Variants in FHIT observed in about 807,000 individuals in gnomAD.
The protein encoded by FHIT is bis(5'-adenosyl)-triphosphatase.
In FHIT, 19 loss-of-function variants were observed where a neutral mutation model predicts 17.9. That is an observed-to-expected ratio of 1.06 (90% CI 0.74 to 1.56). The LOEUF (loss-of-function observed/expected upper bound fraction) is 1.56. FHIT is among the 40% of genes most tolerant of loss of function. The pLI is 0.00. For missense variants in FHIT, 248 were observed against 189.2 expected (o/e 1.31, Z -1.82); for synonymous variants, 81 against 69.7 (o/e 1.16, Z -0.81).
At chr3:60,720,632 T>C (rs782569463) in intron 4 of FHIT, among the ~76,000 whole-genome samples, 9 of 152,180 alleles carry the variant, frequency 5.9e-5, no homozygotes, top group Non-Finnish European at 1.2e-4. Flanking sequence ...GCAGACCAAT[T>C]AAGTCAGAAT....
intron 3 of FHIT, among the ~76,000 whole-genome samples, chr3:61,016,337 AC>A (rs1559911871): frequency 6.6e-6 from 1 of 152,222 alleles, no homozygotes; most frequent in Non-Finnish European, 1.5e-5. Flanking sequence ...AGGGTAGAAA[AC>A]AGGGAACAAC....
chr3:60,198,583 A>C (rs1226057394), intron 5 of FHIT, among the ~76,000 whole-genome samples: 2 of 152,160 alleles, frequency 1.3e-5, no homozygotes, highest in African/African-American at 4.8e-5. Flanking sequence ...GCCTGAACAC[A>C]TAATAGGCTC....
chr3:60,041,483 C>T (rs764063977), intron 5 of FHIT, among the ~76,000 whole-genome samples: 2 of 152,278 alleles, frequency 1.3e-5, no homozygotes, highest in Non-Finnish European at 2.9e-5. Context: ...CGAAGAAATG[C>T]TAAGTTAATT....
At chr3:60,234,828 C>A (rs139326490) in intron 5 of FHIT, among the ~76,000 whole-genome samples, 1 of 152,136 alleles carries the variant, frequency 6.6e-6, no homozygotes, top group Non-Finnish European at 1.5e-5. Flanking sequence ...AGGAGAAACA[C>A]AGAAGTATTA....
intron 2 of FHIT, among the ~76,000 whole-genome samples, chr3:61,063,105 A>C (rs933088295): frequency 1.3e-5 from 2 of 151,872 alleles, no homozygotes; most frequent in African/African-American, 4.8e-5. Context: ...TAAAAATACA[A>C]AAAATTAGCC....
At chr3:60,543,724 C>T (rs539273061) in intron 4 of FHIT, among the ~76,000 whole-genome samples, 2 of 151,862 alleles carry the variant, frequency 1.3e-5, no homozygotes, top group Admixed American at 1.3e-4. Flanking sequence ...CTAATGGTTT[C>T]TGCTGATTCT....
At chr3:60,993,350 C>T (rs909259231) in intron 3 of FHIT, among the ~76,000 whole-genome samples, 17 of 152,280 alleles carry the variant, frequency 1.1e-4, no homozygotes, top group African/African-American at 1.7e-4. Context: ...TCAGACTGTC[C>T]GTCTTGGCAC....
intron 7 of FHIT, among the ~76,000 whole-genome samples, chr3:59,953,032 G>A (rs1301492573): frequency 6.6e-6 from 1 of 151,884 alleles, no homozygotes; most frequent in Non-Finnish European, 1.5e-5. Flanking sequence ...CCCCCGAAGT[G>A]TGTGTCTGGG....
chr3:61,222,911 A>C (rs1432597010), intron 1 of FHIT, among the ~76,000 whole-genome samples: 1 of 152,242 alleles, frequency 6.6e-6, no homozygotes, highest in Non-Finnish European at 1.5e-5. Context: ...AGGTTTCAAA[A>C]GACAATGGGT....
At chr3:61,223,571 T>C (rs999026722) in intron 1 of FHIT, among the ~76,000 whole-genome samples, 2 of 152,238 alleles carry the variant, frequency 1.3e-5, no homozygotes, top group African/African-American at 4.8e-5. Flanking sequence ...TAAAAAGTGA[T>C]AAACATTTTT....
At chr3:59,797,768 A>G (rs1203126611) in intron 8 of FHIT, among the ~76,000 whole-genome samples, 2 of 152,174 alleles carry the variant, frequency 1.3e-5, no homozygotes, top group Non-Finnish European at 2.9e-5. Context: ...TGGGGGAAAA[A>G]CTAATATAGT....
chr3:59,777,183 C>T (rs780370), intron 8 of FHIT, among the ~76,000 whole-genome samples: 80,037 of 151,932 alleles, frequency 0.53, 21,518 homozygotes, highest in Middle Eastern at 0.68. Flanking sequence ...TCTCAGCTCT[C>T]TTACTTTATT....
At chr3:59,884,669 A>G (rs1306843751) in intron 8 of FHIT, among the ~76,000 whole-genome samples, 1 of 152,166 alleles carries the variant, frequency 6.6e-6, no homozygotes, top group Non-Finnish European at 1.5e-5. Flanking sequence ...GCTCTTTCTC[A>G]TATTTTGAGG....
chr3:60,889,829 CTT>C (rs782703142), intron 3 of FHIT, among the ~76,000 whole-genome samples: 3 of 152,092 alleles, frequency 2.0e-5, no homozygotes, highest in African/African-American at 4.8e-5. Context: ...TACGTCTGGG[CTT>C]CTTGGTAGAC....
Position 60,480,106 on chromosome 3 carries a change from C to T in FHIT, c.103+56754G>A, listed in dbSNP as rs143696983. On this transcript the variant is annotated intron_variant, in intron 5 of 9. Coordinates refer to ENST00000492590, the MANE Select transcript of FHIT (RefSeq NM_002012.4). ...GGAGGCCTCAGGAAACTTACAATCA[C>T]GGCAGAAGGCAAAGAGAAAGCAAGG... is the stretch of plus-strand genomic sequence containing the variant. Among the ~76,000 whole-genome samples the T allele has an allele frequency of 2.1e-4, 32 of 152,180 alleles. No homozygotes were observed. The East Asian group carries it at 3.3e-3, about 16-fold the overall frequency.
chr3:60,040,075 TA>T (rs1701373063), intron 5 of FHIT, among the ~76,000 whole-genome samples: 1 of 152,222 alleles, frequency 6.6e-6, no homozygotes, highest in South Asian at 2.1e-4. Flanking sequence ...ATGACACCCA[TA>T]AACATGTCCA....
chr3:60,383,309 A>G (rs930246357), intron 5 of FHIT, among the ~76,000 whole-genome samples: 3 of 152,172 alleles, frequency 2.0e-5, no homozygotes, highest in Non-Finnish European at 4.4e-5. Context: ...TACGATAATA[A>G]CAATATTTTT....
At chr3:60,202,496 AATTTAC>A in intron 5 of FHIT, among the ~76,000 whole-genome samples, 1 of 152,264 alleles carries the variant, frequency 6.6e-6, no homozygotes, top group Non-Finnish European at 1.5e-5. Context: ...AGTTGGCATT[AATTTAC>A]TTGTTCACAG....
chr3:60,562,694 T>G (rs892644980), intron 4 of FHIT, among the ~76,000 whole-genome samples: 1 of 152,150 alleles, frequency 6.6e-6, no homozygotes, highest in Non-Finnish European at 1.5e-5. Context: ...CCACTCCAGA[T>G]GTAATTGATC....
Sources: allele counts gnomAD v4.1 joint callset (sites outside exome capture counted in the v4.1 genomes callset), GRCh38; gene constraint gnomAD v4.1.1; transcripts MANE v1.5; gene names NCBI Gene and HGNC (gene_info 2026-07-23, HGNC 2026-07-21).